Variants in CA10 observed in about 807,000 individuals in gnomAD.
CA10 encodes the protein carbonic anhydrase 10 (inactive).
A neutral mutation model predicts 44.2 loss-of-function variants in CA10; 14 were observed. That is an observed-to-expected ratio of 0.32 (90% CI 0.21 to 0.50). The LOEUF (loss-of-function observed/expected upper bound fraction) is 0.50. CA10 is among the 20% of genes least tolerant of loss of function. The probability of loss-of-function intolerance (pLI) is 0.99; values close to 1 mark genes in which losing one functional copy is unlikely to be tolerated. For missense variants in CA10, 350 were observed against 409.7 expected, an observed-to-expected ratio of 0.85 and a Z score of 1.26; for synonymous variants, 159 against 141.6, an observed-to-expected ratio of 1.12 and a Z score of -0.87.
rs956766084 is a variant in CA10 at position 51,880,315 on chromosome 17, C to CT, written c.279+50674dup. ...TGTCAGCAAAAAAATATTTTTTTTT[C>CT]TTTTTTTTTGAGGCAGGGTCTTGCT... On this transcript the variant is annotated intron_variant, in intron 3 of 8. Coordinates refer to ENST00000451037, the MANE Select transcript of CA10 (RefSeq NM_020178.5). 2.8e-3 allele frequency among the ~76,000 whole-genome samples: 416 copies of CT among 150,900 alleles called. 2 individuals carry two copies. The highest frequency in any genetic ancestry group is 9.2e-3 in the African/African-American group (379 of 41,074).
intron 2 of CA10, among the ~76,000 whole-genome samples, chr17:51,953,527 CA>C (rs1983561225): frequency 1.3e-5 from 2 of 151,624 alleles, no homozygotes; most frequent in Admixed American, 6.6e-5. Context: ...TTGGGAATTG[CA>C]ATACGTTTGT....
chr17:52,051,701 A>T (rs1210064561), intron 2 of CA10, among the ~76,000 whole-genome samples: 1 of 152,130 alleles, frequency 6.6e-6, no homozygotes, highest in East Asian at 1.9e-4. Context: ...TAGTTCTACC[A>T]TTGTGGAAGA....
intron 3 of CA10, among the ~76,000 whole-genome samples, chr17:51,816,745 C>T (rs562021086): frequency 1.6e-4 from 24 of 152,188 alleles, no homozygotes; most frequent in Admixed American, 5.9e-4. Context: ...CAGAAGCACA[C>T]ATATTACCAT....
At chr17:52,096,352 G>A (rs1463534796) in intron 1 of CA10, among the ~76,000 whole-genome samples, 1 of 152,170 alleles carries the variant, frequency 6.6e-6, no homozygotes, top group Admixed American at 6.5e-5. Flanking sequence ...CTGTGAGAGT[G>A]TCTTAAAAGG....
intron 6 of CA10, among the ~76,000 whole-genome samples, chr17:51,646,920 G>A (rs1213390241): frequency 6.6e-6 from 1 of 152,182 alleles, no homozygotes. Flanking sequence ...ACTCCCTGCT[G>A]AATTATAGGA....
intron 3 of CA10, chr17:51,748,488 T>C: frequency 1.0e-6 from 1 of 985,480 alleles, no homozygotes; most frequent in Non-Finnish European, 1.2e-6. Flanking sequence ...CTGCTTGGCA[T>C]TCCTTTTCCT....
chr17:52,034,034 GGTAA>G (rs1481259968), intron 2 of CA10, among the ~76,000 whole-genome samples: 1 of 152,150 alleles, frequency 6.6e-6, no homozygotes. Context: ...TTCAGGAAGG[GGTAA>G]GTGAGGAGGT....
chr17:51,853,475 C>T (rs1978892494), intron 3 of CA10, among the ~76,000 whole-genome samples: 1 of 152,192 alleles, frequency 6.6e-6, no homozygotes, highest in Non-Finnish European at 1.5e-5. Flanking sequence ...ATATGGCCTG[C>T]CCATATTGGG....
chr17:51,840,462 C>T (rs1270678254), intron 3 of CA10, among the ~76,000 whole-genome samples: 3 of 144,644 alleles, frequency 2.1e-5, no homozygotes, highest in East Asian at 2.0e-4. Flanking sequence ...ACTCTGAACT[C>T]AATCCCAACC....
At chr17:51,788,715 T>G (rs1299780157) in intron 3 of CA10, among the ~76,000 whole-genome samples, 1 of 152,206 alleles carries the variant, frequency 6.6e-6, no homozygotes, top group Non-Finnish European at 1.5e-5. Context: ...CCTTGAACAC[T>G]TCAATGGTTC....
At chr17:51,986,016 G>A (rs1366371105) in intron 2 of CA10, among the ~76,000 whole-genome samples, 1 of 151,834 alleles carries the variant, frequency 6.6e-6, no homozygotes, top group Non-Finnish European at 1.5e-5. Flanking sequence ...AAATTCATAG[G>A]GAAGCAAAGA....
At chr17:51,635,825 C>T in intron 7 of CA10, 30 bp downstream of exon 7, 1 of 1,506,474 alleles carries the variant, frequency 6.6e-7, no homozygotes, top group Non-Finnish European at 9.0e-7. Context: ...CATTCTTCTC[C>T]ATTAGCTAAA....
At chr17:52,039,528 A>G (rs1489518777) in intron 2 of CA10, among the ~76,000 whole-genome samples, 1 of 152,090 alleles carries the variant, frequency 6.6e-6, no homozygotes. Flanking sequence ...TCTGCTACCC[A>G]TATATCATTT....
At chr17:51,637,220 G>T (rs888575898) in intron 6 of CA10, among the ~76,000 whole-genome samples, 6 of 151,980 alleles carry the variant, frequency 3.9e-5, no homozygotes, top group Non-Finnish European at 5.9e-5. Flanking sequence ...TTCTCTCTCA[G>T]GTTTTGTTGC....
chr17:51,693,957 CA>C (rs1329401593), intron 4 of CA10, among the ~76,000 whole-genome samples: 12 of 152,148 alleles, frequency 7.9e-5, no homozygotes, highest in Middle Eastern at 3.2e-3. Context: ...GTAATTCCAG[CA>C]CTTTGGGAGA....
At chr17:51,668,899 G>A (rs955673604) in intron 4 of CA10, among the ~76,000 whole-genome samples, 2 of 152,232 alleles carry the variant, frequency 1.3e-5, no homozygotes, top group African/African-American at 2.4e-5. Flanking sequence ...TGGGCAGTGA[G>A]GGGCTTAGCA....
In CA10 at chr17:52,073,974, T is replaced by G. The variant is rs558096976; in HGVS notation, c.62-1581A>C. ...AACCAAATCAAGGTTTGGATATGGC[T>G]GCAAAATTCCCCAAGTGGGTAGACA... On this transcript the variant is annotated intron_variant, in intron 1 of 8. Transcript: ENST00000451037. Among the ~76,000 whole-genome samples, 5 of 152,310 alleles carry G rather than the reference T, an allele frequency of 3.3e-5. No individual in the cohort carries two copies. The South Asian group carries it at 1.0e-3, about 32-fold the overall frequency.
At chr17:51,717,380 C>T (rs1379866808) in intron 4 of CA10, among the ~76,000 whole-genome samples, 1 of 151,690 alleles carries the variant, frequency 6.6e-6, no homozygotes, top group African/African-American at 2.4e-5. Flanking sequence ...AAAAGTAGTA[C>T]TACTATTTGA....
At chr17:52,048,816 C>A (rs961941098) in intron 2 of CA10, among the ~76,000 whole-genome samples, 6 of 151,970 alleles carry the variant, frequency 3.9e-5, no homozygotes, top group African/African-American at 1.4e-4. Context: ...GGCCAAATTG[C>A]AGATGGCTTT....
Sources: gnomAD v4.1 joint callset for allele counts (sites outside exome capture counted in the v4.1 genomes callset) on GRCh38, gnomAD v4.1.1 for gene constraint, MANE v1.5 for transcripts, NCBI Gene and HGNC (gene_info 2026-07-23, HGNC 2026-07-21) for gene names.